Variants in SFMBT2 observed in about 807,000 individuals in gnomAD.
The protein encoded by SFMBT2 is Scm like with four mbt domains 2.
In SFMBT2, 38 loss-of-function variants were observed where a neutral mutation model predicts 110.1. The observed-to-expected ratio is 0.35, with a 90% CI of 0.27 to 0.45. The LOEUF is 0.45. SFMBT2 is among the 20% of genes least tolerant of loss of function. SFMBT2 has a pLI of 1.00. For synonymous variants in SFMBT2, 425 were observed against 425.4 expected (o/e 1.00, Z 0.01); for missense variants, 1,011 against 1,094.9 (o/e 0.92, Z 1.08).
rs534031136 is a variant in SFMBT2, at chr10:7,353,962, G to A, written c.436+13687C>T. On this transcript the variant is annotated intron_variant, in intron 4 of 20. Transcript: ENST00000397167. The stretch of plus-strand genomic sequence containing the variant: ...ATTAGCTGGGTGTGGTGGTGCGTGC[G>A]TGTAATCTCAGCTACTTGGGAGGCT... Among the ~76,000 whole-genome samples, 263 of 151,562 alleles carry A rather than the reference G, an allele frequency of 1.7e-3. 3 individuals carry two copies. The highest frequency in any genetic ancestry group is 5.9e-3 in the African/African-American group (245 of 41,306).
Position 7,231,566 on chromosome 10 carries a change from T to C in SFMBT2, c.1121-3629A>G, listed in dbSNP as rs185564460. ...CTCTAAAATGTCATGCCTCGTGTTT[T>C]CTTGGACGTACATTCAGGCCTTCTA... On this transcript the variant is annotated intron_variant, in intron 9 of 20. Transcript: ENST00000397167. Among the ~76,000 whole-genome samples the C allele has an allele frequency of 9.1e-4, 139 of 152,356 alleles. 5 individuals are homozygous for C. In the East Asian group the frequency reaches 0.02, roughly 22 times the overall value.
At chr10:7,360,071 G>T (rs1330094684) in intron 4 of SFMBT2, among the ~76,000 whole-genome samples, 2 of 152,182 alleles carry the variant, frequency 1.3e-5, no homozygotes, top group African/African-American at 2.4e-5. Context: ...GTCGTTACCT[G>T]GTACCACAGG....
chr10:7,388,066 G>C (rs184420538), intron 1 of SFMBT2, among the ~76,000 whole-genome samples: 5 of 152,082 alleles, frequency 3.3e-5, no homozygotes, highest in African/African-American at 1.2e-4. Context: ...AGACAGGAAC[G>C]TGGAGCAAGC....
chr10:7,387,450 C>T (rs1004063600), intron 1 of SFMBT2, among the ~76,000 whole-genome samples: 1 of 152,108 alleles, frequency 6.6e-6, no homozygotes, highest in African/African-American at 2.4e-5. Flanking sequence ...GCAAGTCTGT[C>T]CGTCCAACCG....
intron 4 of SFMBT2, among the ~76,000 whole-genome samples, chr10:7,338,988 C>T (rs1489236801): frequency 6.6e-6 from 1 of 152,186 alleles, no homozygotes; most frequent in Non-Finnish European, 1.5e-5. Flanking sequence ...ACCTGTAATC[C>T]TACCACTTTG....
chr10:7,202,712 T>C, intron 12 of SFMBT2, 190 bp from the exon 13 acceptor site: 1 of 985,438 alleles, frequency 1.0e-6, no homozygotes, highest in Non-Finnish European at 1.2e-6. Context: ...ACTCACCAGA[T>C]GTCAGATCTT....
intron 6 of SFMBT2, among the ~76,000 whole-genome samples, chr10:7,281,504 T>C (rs1161827298): frequency 6.6e-6 from 1 of 152,182 alleles, no homozygotes; most frequent in Non-Finnish European, 1.5e-5. Context: ...TATGAAGTTT[T>C]ATTCTCGCCT....
chr10:7,357,473 C>T (rs1280693135), intron 4 of SFMBT2, among the ~76,000 whole-genome samples: 1 of 152,192 alleles, frequency 6.6e-6, no homozygotes, highest in Non-Finnish European at 1.5e-5. Flanking sequence ...CTTCGGACTT[C>T]ATCTGCAACA....
chr10:7,213,246 TA>T (rs34126644), intron 11 of SFMBT2, among the ~76,000 whole-genome samples: 145,624 of 151,900 alleles, frequency 0.96, 69,887 homozygotes, highest in East Asian at 1. Context: ...TAAAGTAAAA[TA>T]AAAAAAATTA....
At chr10:7,209,198 G>T (rs1329480417) in intron 11 of SFMBT2, among the ~76,000 whole-genome samples, 1 of 152,286 alleles carries the variant, frequency 6.6e-6, no homozygotes, top group East Asian at 1.9e-4. Context: ...TCTATTAAAA[G>T]AATGTCCACA....
intron 1 of SFMBT2, among the ~76,000 whole-genome samples, 44 bp downstream of exon 1, chr10:7,410,817 G>C (rs1250815755): frequency 6.6e-6 from 1 of 150,418 alleles, no homozygotes; most frequent in Non-Finnish European, 1.5e-5. Flanking sequence ...GCTGCTCTCC[G>C]GCCAGCCTGG....
In SFMBT2 at chr10:7,284,025, G is replaced by T. The variant is rs1842021227; in HGVS notation, c.651C>A (p.Arg217=). ...TGTCCTCCAATCCCACATAGCGAAG[G>T]CGTAATCTTCCTCCAACATTTTCAA... ...SVIENVGGRL[R]LRYVGLEDTE... is the part of the protein sequence containing the mutation. The change falls in exon 6 of 21, where the codon CGC becomes CGA. Residue 217 remains arginine, a synonymous_variant. Coordinates refer to ENST00000397167, the MANE Select transcript of SFMBT2 (RefSeq NM_001387889.1). The T allele has an allele frequency of 1.2e-6, 2 of 1,613,918 alleles. No homozygotes were observed. Among genetic ancestry groups the T allele is most frequent in the African/African-American group, 2.7e-5 (2 of 74,884 alleles).
intron 15 of SFMBT2, among the ~76,000 whole-genome samples, chr10:7,190,112 A>G (rs942877085): frequency 1.3e-5 from 2 of 152,186 alleles, no homozygotes; most frequent in African/African-American, 4.8e-5. Flanking sequence ...GCTATGTTCC[A>G]AGGGCCTCAA....
chr10:7,269,400 A>G (rs1196642944), intron 7 of SFMBT2, among the ~76,000 whole-genome samples: 5 of 152,104 alleles, frequency 3.3e-5, no homozygotes, highest in African/African-American at 4.8e-5. Flanking sequence ...CATCCCCCCA[A>G]CGTGAGCAAC....
intron 16 of SFMBT2, among the ~76,000 whole-genome samples, chr10:7,178,124 G>A (rs1040707001): frequency 2.6e-5 from 4 of 152,154 alleles, no homozygotes; most frequent in Admixed American, 1.3e-4. Context: ...TCATTCCTCC[G>A]GTGGTGGGGG....
intron 7 of SFMBT2, chr10:7,264,024 A>C (rs528745849): frequency 4.1e-6 from 1 of 244,002 alleles, no homozygotes; most frequent in Admixed American, 6.5e-5. Flanking sequence ...GAAAAAAAGC[A>C]CTGGATGTGG....
intron 6 of SFMBT2, among the ~76,000 whole-genome samples, chr10:7,277,745 AG>A (rs1841829479): frequency 6.6e-6 from 1 of 152,252 alleles, no homozygotes; most frequent in Admixed American, 6.5e-5. Flanking sequence ...TAGGATTTGC[AG>A]AAGCCCTCAC....
intron 4 of SFMBT2, among the ~76,000 whole-genome samples, chr10:7,324,926 C>T (rs1171746102): frequency 6.6e-6 from 1 of 150,612 alleles, no homozygotes; most frequent in African/African-American, 2.4e-5. Context: ...GCCTTATGTC[C>T]TCACTGAGCC....
chr10:7,201,927 C>A (rs1017730437), intron 13 of SFMBT2, among the ~76,000 whole-genome samples: 7 of 152,216 alleles, frequency 4.6e-5, no homozygotes, highest in African/African-American at 1.7e-4. Flanking sequence ...GCCTACACTT[C>A]TTTTCAAATG....
Sources: allele counts gnomAD v4.1 joint callset (sites outside exome capture counted in the v4.1 genomes callset), GRCh38; gene constraint gnomAD v4.1.1; transcripts MANE v1.5; gene names NCBI Gene and HGNC (gene_info 2026-07-23, HGNC 2026-07-21).